The following DSCAML1 variants were observed in gnomAD, a reference collection of about 807,000 sequenced individuals.
DSCAML1 encodes the protein DS cell adhesion molecule like 1.
A neutral mutation model predicts 200.5 loss-of-function variants in DSCAML1; 38 were observed. The observed-to-expected ratio is 0.19, with a 90% confidence interval of 0.15 to 0.25. DSCAML1 has a LOEUF of 0.25. Ranked by LOEUF, DSCAML1 falls within the 10% of genes least tolerant of loss-of-function variation. The probability of loss-of-function intolerance (pLI) is 1.00; values close to 1 mark genes in which losing one functional copy is unlikely to be tolerated. For missense variants in DSCAML1, 2,223 were observed against 2,858.8 expected, an observed-to-expected ratio of 0.78 and a Z score of 5.07; for synonymous variants, 1,215 against 1,165.0, an observed-to-expected ratio of 1.04 and a Z score of -0.87.
intron 3 of DSCAML1, among the ~76,000 whole-genome samples, chr11:117,543,409 G>A (rs2050308093): frequency 6.6e-6 from 1 of 152,190 alleles, no homozygotes; most frequent in Non-Finnish European, 1.5e-5. Context: ...TTGTGTACCT[G>A]TGCTGGTGTG....
At chr11:117,709,869 C>T (rs759815711) in intron 3 of DSCAML1, 21 of 438,776 alleles carry the variant, frequency 4.8e-5, no homozygotes, top group Middle Eastern at 1.5e-3. Flanking sequence ...TAAGACTGGC[C>T]ATGAGACAGG....
chr11:117,555,174 G>A (rs939944091), intron 3 of DSCAML1, among the ~76,000 whole-genome samples: 3 of 152,184 alleles, frequency 2.0e-5, no homozygotes, highest in Non-Finnish European at 4.4e-5. Flanking sequence ...CTGGGCTCCC[G>A]TAGCAACCCA....
At chr11:117,514,585 T>C (rs3887554) in intron 8 of DSCAML1, among the ~76,000 whole-genome samples, 34,815 of 132,324 alleles carry the variant, frequency 0.26, 4,531 homozygotes, top group South Asian at 0.3. Context: ...TTTTTTTTTT[T>C]TTTTTTTTTT....
chr11:117,744,590 G>A (rs960752492), intron 3 of DSCAML1, among the ~76,000 whole-genome samples: 6 of 152,226 alleles, frequency 3.9e-5, no homozygotes, highest in African/African-American at 1.4e-4. Flanking sequence ...CAGGTCTGTG[G>A]CTGGGGGGTG....
At chr11:117,801,502 T>C (rs1387829005), upstream of DSCAML1, 3 of 152,266 alleles carry the variant, frequency 2.0e-5, no homozygotes, top group African/African-American at 7.2e-5. Flanking sequence ...AGTTTTGGCT[T>C]CAAATATATA....
At chr11:117,527,005 CAT>C (rs920574283) in intron 4 of DSCAML1, among the ~76,000 whole-genome samples, 1 of 152,002 alleles carries the variant, frequency 6.6e-6, no homozygotes. Flanking sequence ...TACACACACA[CAT>C]GACTATAGTG....
intron 1 of DSCAML1, among the ~76,000 whole-genome samples, chr11:117,813,765 CT>C (rs1217803990): frequency 3.3e-5 from 5 of 152,234 alleles, no homozygotes; most frequent in Non-Finnish European, 7.3e-5. Context: ...CACGCCACCC[CT>C]AATCCCGCTT....
intron 3 of DSCAML1, among the ~76,000 whole-genome samples, chr11:117,746,913 C>T (rs1260237327): frequency 6.6e-6 from 1 of 152,188 alleles, no homozygotes; most frequent in Non-Finnish European, 1.5e-5. Flanking sequence ...TTTGGACATG[C>T]CTCCAACACA....
In DSCAML1 at chr11:117,428,641, C is replaced by G. The variant is rs762531603; in HGVS notation, c.5849G>C (p.Ser1950Thr). 2.5e-6 allele frequency: 4 copies of G among 1,611,290 alleles called. No individual in the cohort carries two copies. The East Asian group carries it at 8.9e-5, about 36-fold the overall frequency. The change falls in exon 33 of 33, where the codon AGC (serine) becomes ACC (threonine). Residue 1950 changes from serine to threonine, a missense_variant. This residue lies in a region of DSCAML1 where 280 missense variants were observed against 213.4 expected (regional missense o/e 1.31). Transcript: ENST00000651296. ...QARHLTLDPA[S>T]KSLGLPHPGA... ...TGGGTGGGGAAGGCCCAAGGACTTG[C>G]TGGCAGGGTCCAGGGTCAGGTGGCG...
intron 3 of DSCAML1, among the ~76,000 whole-genome samples, chr11:117,699,626 G>T (rs2053636004): frequency 6.6e-6 from 1 of 152,140 alleles, no homozygotes; most frequent in African/African-American, 2.4e-5. Context: ...GGAGCTCTCA[G>T]GTTGCTCCCC....
chr11:117,576,024 T>G (rs2050928194), intron 3 of DSCAML1, among the ~76,000 whole-genome samples: 1 of 152,036 alleles, frequency 6.6e-6, no homozygotes, highest in Non-Finnish European at 1.5e-5. Context: ...AGAGCCCGAG[T>G]GCCCAGCCCT....
Position 117,471,955 on chromosome 11 carries a change from G to C in DSCAML1, c.2867C>G (p.Ser956Cys). The change falls in exon 15 of 33, where the codon TCT (serine) becomes TGT (cysteine). Residue 956 changes from serine to cysteine, a missense_variant. Coordinates refer to ENST00000651296, the MANE Select transcript of DSCAML1 (RefSeq NM_020693.4). ...QANIVDLHPA[S>C]VYSIRMYSFN... ...AGAGTACATGCGGATGCTGTACACA[G>C]ATGCCGGGTGCAAGTCCACAATGTT... 6.2e-7 allele frequency: 1 copy of C among 1,614,172 alleles called. No homozygotes were observed. The highest frequency in any genetic ancestry group is 1.1e-5 in the South Asian group (1 of 91,070).
At chr11:117,587,291 A>G (rs1002083553) in intron 3 of DSCAML1, among the ~76,000 whole-genome samples, 3 of 140,304 alleles carry the variant, frequency 2.1e-5, no homozygotes, top group Non-Finnish European at 1.5e-5. Context: ...TGATTCCTAT[A>G]TTGTAGTGGA....
chr11:117,439,816 C>A lies in DSCAML1; in HGVS notation c.3980+3G>T. 2 of 1,613,258 alleles carry A rather than the reference C, an allele frequency of 1.2e-6. No individual in the cohort carries two copies. The highest frequency in any genetic ancestry group is 1.7e-6 in the Non-Finnish European group (2 of 1,179,194). On this transcript the variant is annotated splice_donor_region_variant and intron_variant, in intron 22 of 32. Transcript: ENST00000651296. ...CCCATCCCTCCACTGTCCCGACACA[C>A]ACCTGTCCTTGGTCCACTTCACAGC... is the stretch of plus-strand genomic sequence containing the variant.
At chr11:117,459,123 C>T (rs938672993) in intron 18 of DSCAML1, among the ~76,000 whole-genome samples, 1 of 152,210 alleles carries the variant, frequency 6.6e-6, no homozygotes, top group Non-Finnish European at 1.5e-5. Flanking sequence ...CCAGTGAGGG[C>T]GAGCCACAGA....
At chr11:117,528,151 C>T (rs916333262) in intron 4 of DSCAML1, among the ~76,000 whole-genome samples, 9 of 152,202 alleles carry the variant, frequency 5.9e-5, no homozygotes, top group African/African-American at 1.9e-4. Context: ...CTGCCAGATT[C>T]TGTGGCCTCT....
At chr11:117,475,673 A>C (rs1187463722) in intron 14 of DSCAML1, among the ~76,000 whole-genome samples, 1 of 152,112 alleles carries the variant, frequency 6.6e-6, no homozygotes, top group Non-Finnish European at 1.5e-5. Context: ...TTTACTTGGG[A>C]CTTGAAGTTC....
intron 21 of DSCAML1, among the ~76,000 whole-genome samples, chr11:117,442,425 A>C (rs2048084790): frequency 1.3e-5 from 2 of 150,496 alleles, no homozygotes; most frequent in African/African-American, 2.5e-5. Context: ...ATGTGCGTAA[A>C]TGTATGTGTG....
intron 3 of DSCAML1, among the ~76,000 whole-genome samples, chr11:117,646,779 C>G (rs895582810): frequency 2.0e-5 from 3 of 151,786 alleles, no homozygotes; most frequent in African/African-American, 7.3e-5. Flanking sequence ...AGCTGTTAAA[C>G]CTTCACCAGC....
Sources: allele counts gnomAD v4.1 joint callset (sites outside exome capture counted in the v4.1 genomes callset), GRCh38; gene constraint gnomAD v4.1.1; regional missense constraint gnomAD v4.1.1; transcripts MANE v1.5; gene names NCBI Gene and HGNC (gene_info 2026-07-23, HGNC 2026-07-21).